RTN4: variants seen among roughly 807,000 people sequenced by gnomAD.
RTN4 encodes reticulon 4.
In RTN4, 32 loss-of-function variants were observed where a neutral mutation model predicts 90.4. The observed-to-expected ratio is 0.35, with a 90% confidence interval of 0.27 to 0.48. The LOEUF (loss-of-function observed/expected upper bound fraction) is 0.48. Among genes scored for constraint, RTN4 ranks in the 20% least tolerant of loss-of-function variants. The pLI is 0.99. For missense variants in RTN4, 1,706 were observed against 1,430.2 expected (o/e 1.19, Z -3.11); for synonymous variants, 629 against 552.5 (o/e 1.14, Z -1.94).
intron 3 of RTN4, among the ~76,000 whole-genome samples, chr2:54,993,088 A>G (rs1679148925): frequency 6.6e-6 from 1 of 151,702 alleles, no homozygotes; most frequent in African/African-American, 2.4e-5. Context: ...AAAAAAAAAA[A>G]AAAAAGAAAA....
At chr2:55,006,718 T>G (rs753072060) in intron 3 of RTN4, among the ~76,000 whole-genome samples, 8 of 152,112 alleles carry the variant, frequency 5.3e-5, no homozygotes, top group Non-Finnish European at 8.8e-5. Flanking sequence ...CTTTTAAAAT[T>G]TAACAAGATT....
chr2:54,977,415 T>TC (rs957134171), intron 5 of RTN4, among the ~76,000 whole-genome samples: 5 of 151,526 alleles, frequency 3.3e-5, no homozygotes, highest in Non-Finnish European at 7.4e-5. Flanking sequence ...CGTTTTTTTT[T>TC]TTTTCTTCCT....
chr2:55,111,687 G>A (rs1371482874), intron 1 of RTN4, among the ~76,000 whole-genome samples: 4 of 152,132 alleles, frequency 2.6e-5, no homozygotes, highest in Non-Finnish European at 5.9e-5. Flanking sequence ...GGCTAGTTTG[G>A]AGGAAATTCA....
At position 55,025,474 on chromosome 2, in the gene RTN4, G is replaced by C; in HGVS notation, c.2625C>G (p.Ile875Met). ...IEIIDEFPTLISSKTDSFSKL... is the reference protein window; with the variant it reads ...IEIIDEFPTLMSSKTDSFSKL... ...TAGAAAATGAATCAGTTTTAGAACT[G>C]ATCAATGTAGGGAACTCATCTATAA... Residue 875 changes from isoleucine to methionine, a missense_variant, in exon 3 of 9, where the codon ATC (isoleucine) becomes ATG (methionine). Physicochemically the swap from Ile to Met is conservative, Grantham distance 10. Transcript: ENST00000337526. 1 of 1,613,710 alleles carries C rather than the reference G, an allele frequency of 6.2e-7. No individual in the cohort carries two copies. The highest frequency in any genetic ancestry group is 8.5e-7 in the Non-Finnish European group (1 of 1,179,826).
chr2:55,098,403 A>G (rs1667789490), intron 1 of RTN4, among the ~76,000 whole-genome samples: 1 of 152,172 alleles, frequency 6.6e-6, no homozygotes, highest in South Asian at 2.1e-4. Flanking sequence ...ACCATTATGT[A>G]GTAACAGAAT....
In RTN4 at chr2:55,026,790, C is replaced by T; in HGVS notation, c.1309G>A (p.Asp437Asn). 1 of 1,613,936 alleles carries T rather than the reference C, an allele frequency of 6.2e-7. No individual in the cohort carries two copies. The highest frequency in any genetic ancestry group is 8.5e-7 in the Non-Finnish European group (1 of 1,179,864). Residue 437 changes from aspartate to asparagine, a missense_variant, in exon 3 of 9, where the codon GAT becomes AAT. Physicochemically the swap from Asp to Asn is conservative, Grantham distance 23. Coordinates refer to ENST00000337526, the MANE Select transcript of RTN4 (RefSeq NM_020532.5). ...DSLEQTNHEK[D>N]SESSNDDTSF... is the part of the protein sequence containing the mutation. ...GTATCATCATTACTACTCTCACTAT[C>T]TTTTTCGTGATTAGTTTGCTCAAGG...
chr2:55,021,491 T>C (rs1449418513), intron 3 of RTN4, among the ~76,000 whole-genome samples: 19 of 151,882 alleles, frequency 1.3e-4, no homozygotes, highest in Non-Finnish European at 1.5e-4. Context: ...GTCTTTTTTT[T>C]CTCCCTTTTT....
the RTN4 span, among the ~76,000 whole-genome samples, chr2:55,131,988 T>C: frequency 6.6e-6 from 1 of 152,372 alleles, no homozygotes; most frequent in East Asian, 1.9e-4. Context: ...TGGTATACCA[T>C]GTTTTATCAG....
chr2:54,973,998 G>A (rs911508754), intron 6 of RTN4, 131 bp from the exon 7 acceptor site: 1 of 723,796 alleles, frequency 1.4e-6, no homozygotes. Context: ...AAAACATAAG[G>A]ATCTCTGGAT....
intron 1 of RTN4, among the ~76,000 whole-genome samples, chr2:55,101,330 T>C (rs965936773): frequency 1.3e-5 from 2 of 152,116 alleles, no homozygotes; most frequent in African/African-American, 2.4e-5. Flanking sequence ...AATGTTGTTG[T>C]AACTTGTTCA....
At chr2:55,106,324 C>T (rs1667942358) in intron 1 of RTN4, among the ~76,000 whole-genome samples, 1 of 151,976 alleles carries the variant, frequency 6.6e-6, no homozygotes. Flanking sequence ...GCTTTTCCTT[C>T]TTTCTCATAA....
At chr2:55,014,971 T>C (rs560698913) in intron 3 of RTN4, among the ~76,000 whole-genome samples, 1 of 152,328 alleles carries the variant, frequency 6.6e-6, no homozygotes, top group East Asian at 1.9e-4. Flanking sequence ...TTAAAGCATT[T>C]GTTTGATTTG....
chr2:54,973,759 G>A lies in RTN4; in HGVS notation c.3477+62C>T, dbSNP rs190345834. ...ATTGAAAATGGGCACTAATACATCC[G>A]TAAATCCCATGTAATAGAGTGAGTG... On this transcript the variant is annotated intron_variant, in intron 7 of 8. Coordinates refer to ENST00000337526, the MANE Select transcript of RTN4 (RefSeq NM_020532.5). 4,017 of 1,549,140 alleles carry A rather than the reference G, an allele frequency of 2.6e-3. 113 individuals are homozygous for A. The Admixed American group carries it at 0.046, about 18-fold the overall frequency.
the RTN4 span, among the ~76,000 whole-genome samples, chr2:55,122,937 C>A: frequency 6.6e-6 from 1 of 152,208 alleles, no homozygotes; most frequent in African/African-American, 2.4e-5. Context: ...TACAAATGTA[C>A]ACATGGACAT....
chr2:55,053,829 C>G (rs975207262), upstream of RTN4, among the ~76,000 whole-genome samples: 2 of 152,108 alleles, frequency 1.3e-5, no homozygotes, highest in African/African-American at 4.8e-5. Flanking sequence ...ATCATAGAAT[C>G]TTAGGGTTGG....
chr2:55,119,881 T>G, the RTN4 span, among the ~76,000 whole-genome samples: 1 of 152,206 alleles, frequency 6.6e-6, no homozygotes, highest in Non-Finnish European at 1.5e-5. Context: ...GTCAGACCAT[T>G]GACCAGCTGG....
intron 5 of RTN4, among the ~76,000 whole-genome samples, chr2:54,980,095 G>A (rs570099388): frequency 2.0e-5 from 3 of 152,114 alleles, no homozygotes; most frequent in Non-Finnish European, 2.9e-5. Flanking sequence ...GTCACTCAAT[G>A]CAAGAACTTA....
At chr2:55,014,117 G>A (rs1680853186) in intron 3 of RTN4, among the ~76,000 whole-genome samples, 1 of 152,122 alleles carries the variant, frequency 6.6e-6, no homozygotes, top group East Asian at 1.9e-4. Flanking sequence ...CCTACCATAT[G>A]CTGTAATATA....
upstream of RTN4, among the ~76,000 whole-genome samples, chr2:55,116,750 C>A (rs1668132372): frequency 6.6e-6 from 1 of 152,190 alleles, no homozygotes; most frequent in South Asian, 2.1e-4. Flanking sequence ...TGCCCTTAAC[C>A]TCTGTGGGGA....
Sources: gnomAD v4.1 joint callset for allele counts (sites outside exome capture counted in the v4.1 genomes callset) on GRCh38, gnomAD v4.1.1 for gene constraint, MANE v1.5 for transcripts, NCBI Gene and HGNC (gene_info 2026-07-23, HGNC 2026-07-21) for gene names.